The following YPEL2 variants were observed in gnomAD, a reference collection of about 807,000 sequenced individuals.
The protein encoded by YPEL2 is yippee like 2.
In YPEL2, 2 loss-of-function variants were observed where a neutral mutation model predicts 19.1. That is an observed-to-expected ratio of 0.10 (90% CI 0.04 to 0.33). The LOEUF (loss-of-function observed/expected upper bound fraction) is 0.33. YPEL2 is among the 10% of genes least tolerant of loss of function. The probability of loss-of-function intolerance (pLI) is 1.00; values close to 1 mark genes in which losing one functional copy is unlikely to be tolerated. For missense variants in YPEL2, 66 were observed against 140.7 expected, an observed-to-expected ratio of 0.47 and a Z score of 2.68; for synonymous variants, 52 against 50.0, an observed-to-expected ratio of 1.04 and a Z score of -0.17.
Position 59,397,041 on chromosome 17 carries a change from A to C in YPEL2, c.271-60A>C, listed in dbSNP as rs56028317. The C allele has an allele frequency of 3.8e-3, 5,416 of 1,427,266 alleles. 163 individuals are homozygous for C. The African/African-American group carries it at 0.066, about 17-fold the overall frequency. 88.4% of individuals were successfully genotyped at this position (1,427,266 alleles called of 1,614,324 possible). On this transcript the variant is annotated intron_variant, in intron 4 of 4. Transcript: ENST00000312655. Reference sequence around the variant, plus strand: ...GTGAGACTGCCTCAAAAAAGAAAAAAAAAATCATTTTCTTGTCTTTGGTCG... The same window carrying C: ...GTGAGACTGCCTCAAAAAAGAAAAACAAAATCATTTTCTTGTCTTTGGTCG...
intron 2 of YPEL2, among the ~76,000 whole-genome samples, chr17:59,380,572 A>C (rs2047944248): frequency 6.6e-6 from 1 of 152,196 alleles, no homozygotes; most frequent in Non-Finnish European, 1.5e-5. Flanking sequence ...GGCCAGCCCT[A>C]ACTTATCTTT....
rs1042311007 is a variant in YPEL2, at chr17:59,397,346, G to A, written c.*156G>A. Reference sequence around the variant, plus strand: ...CCCTGACGCCATCTTTCTGGTGACCGGCCTCTAAATCGCTGTCTCTCTGTC... The same window carrying A: ...CCCTGACGCCATCTTTCTGGTGACCAGCCTCTAAATCGCTGTCTCTCTGTC... On this transcript the variant is annotated 3_prime_UTR_variant, in exon 5 of 5. Coordinates refer to ENST00000312655, the MANE Select transcript of YPEL2 (RefSeq NM_001005404.4). The A allele has an allele frequency of 8.2e-5, 39 of 476,212 alleles. No homozygotes were observed. Among genetic ancestry groups the A allele is most frequent in the Admixed American group, 1.6e-4 (4 of 24,342 alleles). The allele number at this position is 476,212 out of a possible 1,614,324, so 29.5% of individuals were successfully genotyped here. A position where few individuals can be genotyped will look rare whatever the true frequency, so the allele number is the denominator to read the frequency against.
chr17:59,384,593 C>T (rs1271930797), intron 2 of YPEL2, among the ~76,000 whole-genome samples: 1 of 152,192 alleles, frequency 6.6e-6, no homozygotes, highest in Non-Finnish European at 1.5e-5. Context: ...GGACACATAC[C>T]AGTCCAGGGA....
intron 1 of YPEL2, among the ~76,000 whole-genome samples, chr17:59,342,837 G>A (rs1310281496): frequency 1.3e-5 from 2 of 152,182 alleles, no homozygotes; most frequent in Non-Finnish European, 2.9e-5. Context: ...TAGCAGTTCA[G>A]ACTGTCCTGG....
At chr17:59,349,754 A>G (rs2047778469) in intron 1 of YPEL2, among the ~76,000 whole-genome samples, 1 of 152,016 alleles carries the variant, frequency 6.6e-6, no homozygotes, top group Non-Finnish European at 1.5e-5. Flanking sequence ...TCCACCTCGC[A>G]GGTTCAGGCG....
intron 1 of YPEL2, among the ~76,000 whole-genome samples, chr17:59,352,577 A>G (rs1287262799): frequency 2.0e-5 from 3 of 152,156 alleles, no homozygotes; most frequent in African/African-American, 7.2e-5. Flanking sequence ...TGTACTGAGT[A>G]TTTACTTCTG....
At chr17:59,368,186 T>C (rs899703757) in intron 2 of YPEL2, among the ~76,000 whole-genome samples, 4 of 152,084 alleles carry the variant, frequency 2.6e-5, no homozygotes, top group African/African-American at 9.7e-5. Flanking sequence ...CAGGCTCAGA[T>C]GATCTTTTCA....
chr17:59,390,753 A>G (rs1037972938), intron 4 of YPEL2, among the ~76,000 whole-genome samples: 2 of 152,206 alleles, frequency 1.3e-5, no homozygotes, highest in Admixed American at 6.5e-5. Context: ...CGCTGGGGTC[A>G]CCACATAACC....
At chr17:59,393,853 C>T (rs1026784554) in intron 4 of YPEL2, among the ~76,000 whole-genome samples, 1 of 151,698 alleles carries the variant, frequency 6.6e-6, no homozygotes. Context: ...TCAACAGGAT[C>T]CCAAGGCAGA....
At chr17:59,340,624 C>T (rs926711956) in intron 1 of YPEL2, among the ~76,000 whole-genome samples, 4 of 151,338 alleles carry the variant, frequency 2.6e-5, no homozygotes, top group African/African-American at 4.9e-5. Context: ...ACCGTGTTAG[C>T]CAGGATGATC....
intron 2 of YPEL2, among the ~76,000 whole-genome samples, chr17:59,378,936 A>G (rs897432828): frequency 3.9e-5 from 6 of 152,240 alleles, no homozygotes; most frequent in East Asian, 3.9e-4. Context: ...CAGGTGTGTG[A>G]CAGTCTTTTT....
chr17:59,392,946 G>C (rs1487495099), intron 4 of YPEL2, among the ~76,000 whole-genome samples: 1 of 152,186 alleles, frequency 6.6e-6, no homozygotes, highest in Non-Finnish European at 1.5e-5. Context: ...CACCGCACCT[G>C]GCCCTCCTTT....
intron 4 of YPEL2, among the ~76,000 whole-genome samples, chr17:59,392,125 G>T (rs1383834148): frequency 6.6e-6 from 1 of 152,098 alleles, no homozygotes. Flanking sequence ...TGGCCTTTTG[G>T]CTAAGATCAA....
At chr17:59,373,073 T>C (rs2047904502) in intron 2 of YPEL2, among the ~76,000 whole-genome samples, 1 of 152,194 alleles carries the variant, frequency 6.6e-6, no homozygotes, top group Admixed American at 6.5e-5. Context: ...GGTTTCACCG[T>C]GTTGGCCAGG....
intron 2 of YPEL2, among the ~76,000 whole-genome samples, chr17:59,378,917 G>T (rs2047935479): frequency 6.6e-6 from 1 of 152,120 alleles, no homozygotes; most frequent in African/African-American, 2.4e-5. Flanking sequence ...CATCTCAAAG[G>T]TTCCTAGACA....
rs181003432 is a variant in YPEL2, at chr17:59,368,091, C to T, written c.117+14565C>T. On this transcript the variant is annotated intron_variant, in intron 2 of 4. Coordinates refer to ENST00000312655, the MANE Select transcript of YPEL2 (RefSeq NM_001005404.4). ...CAAATACAGAAATGGATGAAATTCT[C>T]TTTTTTTTTTGAGACAGAGTCTCAC... Among the ~76,000 whole-genome samples, 708 of 149,218 alleles carry T rather than the reference C, an allele frequency of 4.7e-3. 25 individuals carry two copies. The highest frequency in any genetic ancestry group is 0.043 in the Admixed American group (646 of 14,994).
intron 2 of YPEL2, chr17:59,366,065 C>T (rs772387522): frequency 6.5e-6 from 1 of 152,924 alleles, no homozygotes; most frequent in Non-Finnish European, 1.5e-5. Context: ...TTAGGGTTGG[C>T]TCCACCAAGA....
At chr17:59,334,227 C>CT (rs1415954270) in intron 1 of YPEL2, among the ~76,000 whole-genome samples, 1 of 152,108 alleles carries the variant, frequency 6.6e-6, no homozygotes, top group Non-Finnish European at 1.5e-5. Flanking sequence ...TATGTGAATT[C>CT]TTCATTGTCG....
At chr17:59,372,013 T>C (rs2047899645) in intron 2 of YPEL2, among the ~76,000 whole-genome samples, 3 of 152,162 alleles carry the variant, frequency 2.0e-5, no homozygotes, top group Non-Finnish European at 1.5e-5. Context: ...ATAGGAATTA[T>C]TACATTATGT....
Sources: allele counts gnomAD v4.1 joint callset (sites outside exome capture counted in the v4.1 genomes callset), GRCh38; gene constraint gnomAD v4.1.1; transcripts MANE v1.5; gene names NCBI Gene and HGNC (gene_info 2026-07-23, HGNC 2026-07-21).